The following S100A13 variants were observed in gnomAD, a reference collection of about 807,000 sequenced individuals.
S100A13 encodes protein S100-A13.
Under a neutral mutation model 8.2 loss-of-function variants are expected in S100A13, and 6 were observed. The ratio of observed to expected loss-of-function variants is 0.73; its 90% confidence interval spans 0.40 to 1.44. The LOEUF (loss-of-function observed/expected upper bound fraction) is 1.44. Ranked by LOEUF, S100A13 falls within the 40% of genes most tolerant of loss-of-function variation. The probability of loss-of-function intolerance (pLI) is 0.02; values close to 1 mark genes in which losing one functional copy is unlikely to be tolerated. For synonymous variants in S100A13, 39 were observed against 45.9 expected, an observed-to-expected ratio of 0.85 and a Z score of 0.61; for missense variants, 114 against 113.6, an observed-to-expected ratio of 1.00 and a Z score of -0.02.
intron 2 of S100A13, among the ~76,000 whole-genome samples, chr1:153,620,024 C>T (rs939838003): frequency 1.3e-5 from 2 of 152,144 alleles, no homozygotes; most frequent in Non-Finnish European, 2.9e-5. Context: ...CGGTGGCTCA[C>T]GCCTGTAATC....
upstream of S100A13, among the ~76,000 whole-genome samples, chr1:153,633,648 T>A (rs1289922135): frequency 1.3e-5 from 2 of 152,128 alleles, no homozygotes; most frequent in Non-Finnish European, 2.9e-5. Flanking sequence ...ACTCTCAGAC[T>A]GGGCGAGTGG....
intron 2 of S100A13, among the ~76,000 whole-genome samples, chr1:153,625,133 G>A (rs1239126333): frequency 6.6e-6 from 1 of 152,170 alleles, no homozygotes; most frequent in Non-Finnish European, 1.5e-5. Context: ...AGCTACTTGT[G>A]AGGCTGGGGC....
At chr1:153,628,245 GAA>G, upstream of S100A13, 1 of 1,539,012 alleles carries the variant, frequency 6.5e-7, no homozygotes, top group Middle Eastern at 1.9e-4. Context: ...TGCCTGGAGA[GAA>G]AGGAACGGGG....
upstream of S100A13, chr1:153,631,898 C>T (rs1557932441): frequency 6.3e-7 from 1 of 1,582,732 alleles, no homozygotes; most frequent in Non-Finnish European, 8.6e-7. Context: ...CCTGCCTCTT[C>T]CCCCTGCTTC....
upstream of S100A13, chr1:153,630,680 G>A: frequency 1.2e-6 from 2 of 1,613,270 alleles, no homozygotes; most frequent in South Asian, 2.2e-5. Flanking sequence ...TAGAGTGGTG[G>A]AGTGGGAGTG....
chr1:153,632,741 G>A (rs1433400437), upstream of S100A13, among the ~76,000 whole-genome samples: 2 of 151,962 alleles, frequency 1.3e-5, no homozygotes, highest in African/African-American at 2.4e-5. Flanking sequence ...ATACACACAC[G>A]CACACGCCCA....
At chr1:153,632,164 C>A, upstream of S100A13, 1 of 250,950 alleles carries the variant, frequency 4.0e-6, no homozygotes, top group Non-Finnish European at 7.6e-6. Flanking sequence ...CATCTTCCTA[C>A]TTGAGGAATG....
chr1:153,624,131 T>G (rs912131357), intron 2 of S100A13, among the ~76,000 whole-genome samples: 2 of 152,174 alleles, frequency 1.3e-5, no homozygotes, highest in African/African-American at 4.8e-5. Context: ...AGAACTGGAA[T>G]GACAGGAGGA....
intron 2 of S100A13, among the ~76,000 whole-genome samples, 171 bp downstream of exon 2, chr1:153,626,149 C>G (rs1331933047): frequency 1.3e-5 from 2 of 152,228 alleles, no homozygotes; most frequent in African/African-American, 4.8e-5. Context: ...GCCTGGGCAA[C>G]AGAGTGAGAC....
intron 2 of S100A13, among the ~76,000 whole-genome samples, chr1:153,625,355 G>T (rs980839785): frequency 2.0e-5 from 3 of 152,240 alleles, no homozygotes; most frequent in Non-Finnish European, 2.9e-5. Flanking sequence ...TGGATTTTCA[G>T]AAAGGATGTA....
upstream of S100A13, chr1:153,627,794 A>G (rs988736057): frequency 2.3e-5 from 11 of 472,414 alleles, no homozygotes; most frequent in African/African-American, 2.0e-4. Flanking sequence ...ATGTCTAATC[A>G]GGAGTGTGTA....
upstream of S100A13, chr1:153,630,623 G>T (rs769258553): frequency 3.1e-6 from 5 of 1,614,124 alleles, no homozygotes; most frequent in African/African-American, 5.3e-5. Flanking sequence ...AGAAGGAGCT[G>T]AAAGAGCTGC....
At chr1:153,628,286 C>A (rs1033876069), upstream of S100A13, 5 of 1,515,508 alleles carry the variant, frequency 3.3e-6, no homozygotes, top group South Asian at 5.1e-5. Context: ...AGACAAGGGC[C>A]GCCTGTTCCA....
At chr1:153,630,809 G>C, upstream of S100A13, 2 of 1,082,686 alleles carry the variant, frequency 1.8e-6, no homozygotes, top group Non-Finnish European at 2.6e-6. Flanking sequence ...GTTTTTCCAG[G>C]CTCCCCTACT....
chr1:153,628,690 C>A, upstream of S100A13: 1 of 965,938 alleles, frequency 1.0e-6, no homozygotes, highest in Non-Finnish European at 1.5e-6. Flanking sequence ...GACAAATGAA[C>A]TGAAGGTCGG....
chr1:153,620,069 T>C (rs890267836), intron 2 of S100A13, among the ~76,000 whole-genome samples: 3 of 151,988 alleles, frequency 2.0e-5, no homozygotes, highest in Admixed American at 1.3e-4. Flanking sequence ...GGCGGATCAC[T>C]TGAGGTCAGG....
At position 153,626,544 on chromosome 1, in the gene S100A13, G is replaced by T; in HGVS notation, c.-61-11C>A. The T allele has an allele frequency of 6.6e-7, 1 of 1,518,366 alleles. No homozygotes were observed. The highest frequency in any genetic ancestry group is 1.1e-5 in the South Asian group (1 of 87,098). 94.1% of individuals were successfully genotyped at this position (1,518,366 alleles called of 1,614,324 possible). A position where few individuals can be genotyped will look rare whatever the true frequency, so the allele number is the denominator to read the frequency against. ...TTTGTCAGGGCTGACCTGTGGAAGAGAGAAGGAGCAGAGAGGGAGAGTCAG... is the reference window on the plus strand; with the variant it reads ...TTTGTCAGGGCTGACCTGTGGAAGATAGAAGGAGCAGAGAGGGAGAGTCAG... On this transcript the variant is annotated splice_polypyrimidine_tract_variant and intron_variant, in intron 1 of 2. Coordinates refer to ENST00000476133, the MANE Select transcript of S100A13 (RefSeq NM_001024211.2).
At chr1:153,626,666 G>A (rs1667658235) in intron 1 of S100A13, 133 bp from the exon 2 acceptor site, 4 of 547,672 alleles carry the variant, frequency 7.3e-6, no homozygotes, top group South Asian at 2.6e-5. Flanking sequence ...AGAGGGAGAG[G>A]ACAGGGGTTG....
intron 2 of S100A13, among the ~76,000 whole-genome samples, chr1:153,620,457 T>TA (rs753773428): frequency 0.034 from 2,993 of 87,936 alleles, 99 homozygotes; most frequent in African/African-American, 0.12. Context: ...TGAGACTATC[T>TA]AAAAAAAAAA....
Sources: allele counts gnomAD v4.1 joint callset (sites outside exome capture counted in the v4.1 genomes callset), GRCh38; gene constraint gnomAD v4.1.1; transcripts MANE v1.5; gene names NCBI Gene and HGNC (gene_info 2026-07-23, HGNC 2026-07-21).